Variants in SULT1B1 observed in about 807,000 individuals in gnomAD.
SULT1B1 encodes sulfotransferase family 1B member 1, also known as sulfotransferase 1B1.
A neutral mutation model predicts 34.6 loss-of-function variants in SULT1B1; 28 were observed. The ratio of observed to expected loss-of-function variants is 0.81; its 90% CI spans 0.60 to 1.11. The LOEUF is 1.11. SULT1B1 is among the 50% of genes least tolerant of loss of function. The probability of loss-of-function intolerance (pLI) is 0.00; values close to 1 mark genes in which losing one functional copy is unlikely to be tolerated. For missense variants in SULT1B1, 374 were observed against 352.2 expected, an observed-to-expected ratio of 1.06 and a Z score of -0.50; for synonymous variants, 147 against 110.2, an observed-to-expected ratio of 1.33 and a Z score of -2.09.
At chr4:69,728,594 A>C (rs1206834242) in intron 7 of SULT1B1, among the ~76,000 whole-genome samples, 2 of 151,846 alleles carry the variant, frequency 1.3e-5, no homozygotes, top group Non-Finnish European at 2.9e-5. Context: ...TCTATATGCA[A>C]ATTAACGAAT....
rs542132053 is a variant in SULT1B1, at chr4:69,730,626, T to C, written c.653A>G (p.Asp218Gly). The C allele has an allele frequency of 3.1e-6, 5 of 1,613,264 alleles. No individual in the cohort carries two copies. The African/African-American group carries it at 4.0e-5, about 13-fold the overall frequency. The change falls in exon 7 of 8, where the codon GAT (aspartate) becomes GGT (glycine). Residue 218 changes from aspartate to glycine, a missense_variant. By Grantham distance (94) the Asp-to-Gly change is moderately conservative. Coordinates refer to ENST00000310613, the MANE Select transcript of SULT1B1 (RefSeq NM_014465.4). ...IIRFLEKNLNDEILDRIIHHT... is the reference protein window; with the variant it reads ...IIRFLEKNLNGEILDRIIHHT... ...ATGGATGATCCTATCCAAGATCTCA[T>C]CATTCAGGTTCTTCTCTAGAAATCT...
chr4:69,754,111 A>G (rs1719093398), intron 3 of SULT1B1, among the ~76,000 whole-genome samples: 1 of 152,204 alleles, frequency 6.6e-6, no homozygotes, highest in Non-Finnish European at 1.5e-5. Context: ...TCGCTTCCAC[A>G]GAACCCTATT....
intron 4 of SULT1B1, among the ~76,000 whole-genome samples, chr4:69,744,788 A>G (rs1248702820): frequency 4.6e-5 from 7 of 151,544 alleles, no homozygotes; most frequent in Non-Finnish European, 2.9e-5. Flanking sequence ...GTTTGCTCTT[A>G]TTTTCCTGGT....
Position 69,730,505 on chromosome 4 carries a change from A to T in SULT1B1, c.774T>A (p.Arg258=). The change falls in exon 7 of 8, where the codon CGT becomes CGA. Residue 258 remains arginine, a synonymous_variant. Transcript: ENST00000310613. ...VMDHSKSPFM[R]KGTAGDWKNY... ...TAAACCCAGCAAAGTATTTACCTTT[A>T]CGCATAAAAGGGGATTTGCTATGAT... 6.3e-7 allele frequency: 1 copy of T among 1,599,862 alleles called. No homozygotes were observed. The highest frequency in any genetic ancestry group is 8.6e-7 in the Non-Finnish European group (1 of 1,168,640).
chr4:69,753,971 T>C (rs1396061756), intron 3 of SULT1B1, among the ~76,000 whole-genome samples: 1 of 152,178 alleles, frequency 6.6e-6, no homozygotes, highest in Non-Finnish European at 1.5e-5. Context: ...GTAGCTATTC[T>C]GGAATCTCTG....
chr4:69,738,904 A>T (rs540679576), intron 4 of SULT1B1, among the ~76,000 whole-genome samples: 1 of 152,312 alleles, frequency 6.6e-6, no homozygotes, highest in Admixed American at 6.5e-5. Context: ...GTTGAAACAA[A>T]AGGGGCTAGA....
rs1171504900 is a variant in SULT1B1, at chr4:69,749,810, G to T, written c.286C>A (p.Gln96Lys). ...LPGLRTSGIE[Q>K]LEKNPSPRIV... ...CGGGGTGATGGATTCTTCTCCAATT[G>T]TTCTATACCTGAGAAATTTAGTTAA... The change falls in exon 4 of 8, where the codon CAA (glutamine) becomes AAA (lysine). Residue 96 changes from glutamine to lysine, a missense_variant. Gln to Lys is a moderately conservative substitution (Grantham distance 53, BLOSUM62 1). Transcript: ENST00000310613. 13 of 1,611,984 alleles carry T rather than the reference G, an allele frequency of 8.1e-6. No individual in the cohort carries two copies. Among genetic ancestry groups the T allele is most frequent in the Admixed American group, 1.7e-5 (1 of 59,986 alleles).
intron 4 of SULT1B1, among the ~76,000 whole-genome samples, chr4:69,742,850 G>A (rs1272816191): frequency 1.3e-5 from 2 of 152,224 alleles, no homozygotes; most frequent in Non-Finnish European, 1.5e-5. Flanking sequence ...CGGTGCGGTG[G>A]GCAGCTCCAG....
chr4:69,747,731 A>C (rs1216091793), intron 4 of SULT1B1, among the ~76,000 whole-genome samples: 2 of 152,142 alleles, frequency 1.3e-5, no homozygotes, highest in Non-Finnish European at 2.9e-5. Context: ...CTGGGCATCA[A>C]GGAGTCTCCT....
intron 5 of SULT1B1, 48 bp downstream of exon 5, chr4:69,734,090 T>C (rs1718194265): frequency 7.2e-7 from 1 of 1,391,928 alleles, no homozygotes; most frequent in South Asian, 1.5e-5. Flanking sequence ...GTTAATAGTA[T>C]TATTAAAATA....
In SULT1B1 at chr4:69,725,021, G is replaced by T. The variant is rs1560517108; in HGVS notation, c.*2067C>A. The stretch of plus-strand genomic sequence containing the variant: ...GCAACAAAAGCCAAAATTGACAAAT[G>T]GGATCTAATTAAACTAAAGAGCTTC... On this transcript the variant is annotated 3_prime_UTR_variant, in exon 8 of 8. Coordinates refer to ENST00000310613, the MANE Select transcript of SULT1B1 (RefSeq NM_014465.4). 1 of 152,002 alleles carries T rather than the reference G, an allele frequency of 6.6e-6. No homozygotes were observed. The highest frequency in any genetic ancestry group is 6.6e-5 in the Admixed American group (1 of 15,256). The allele number at this position is 152,002 out of a possible 1,614,324, so 9.4% of individuals were successfully genotyped here. A position where few individuals can be genotyped will look rare whatever the true frequency, so the allele number is the denominator to read the frequency against.
intron 4 of SULT1B1, among the ~76,000 whole-genome samples, chr4:69,739,584 C>A (rs1475538463): frequency 6.6e-6 from 1 of 152,202 alleles, no homozygotes; most frequent in Admixed American, 6.5e-5. Flanking sequence ...TCTTCCTAGG[C>A]CTCTGGGCCT....
chr4:69,733,559 T>C, intron 5 of SULT1B1, 52 bp from the exon 6 acceptor site: 2 of 1,320,450 alleles, frequency 1.5e-6, no homozygotes, highest in South Asian at 2.7e-5. Context: ...ATTAAATATT[T>C]CTGTCTGAAT....
Position 69,754,781 on chromosome 4 carries a change from C to T in SULT1B1, c.166G>A (p.Glu56Lys). Residue 56 changes from glutamate to lysine, a missense_variant, in exon 3 of 8, where the codon GAA becomes AAA. Physicochemically the swap from Glu to Lys is moderately conservative, Grantham distance 56. Coordinates refer to ENST00000310613, the MANE Select transcript of SULT1B1 (RefSeq NM_014465.4). ...TCATTTAGAATCATGTCTATAATTT[C>T]ACTAACCCAAGTAGTACCTGTGACA... ...YPKSGTTWVS[E>K]IIDMILNDGD... is the part of the protein sequence containing the mutation. 6.2e-7 allele frequency: 1 copy of T among 1,612,514 alleles called. No homozygotes were observed. Among genetic ancestry groups the T allele is most frequent in the Non-Finnish European group, 8.5e-7 (1 of 1,179,142 alleles).
rs1055878196 is a variant in SULT1B1, at chr4:69,721,294, C to T, written c.*5794G>A. 6 of 152,032 alleles carry T rather than the reference C, an allele frequency of 3.9e-5. No homozygotes were observed. Among genetic ancestry groups the T allele is most frequent in the Admixed American group, 1.3e-4 (2 of 15,216 alleles). The allele number at this position is 152,032 out of a possible 1,614,324, so 9.4% of individuals were successfully genotyped here. ...ATATAAAACAGTTCTAATGATCATA[C>T]ATAAGAAGACATTTGTGAAGACAGC... On this transcript the variant is annotated 3_prime_UTR_variant, in exon 8 of 8. Coordinates refer to ENST00000310613, the MANE Select transcript of SULT1B1 (RefSeq NM_014465.4).
chr4:69,754,058 T>A (rs1234452221), intron 3 of SULT1B1, among the ~76,000 whole-genome samples: 1 of 152,200 alleles, frequency 6.6e-6, no homozygotes, highest in Admixed American at 6.6e-5. Flanking sequence ...TTTGTCTAAG[T>A]TTTTTTCCTT....
chr4:69,759,312 G>A lies in SULT1B1; in HGVS notation c.-45+1147C>T, dbSNP rs1302866875. On this transcript the variant is annotated intron_variant, in intron 1 of 7. Transcript: ENST00000310613. ...CATGTGATCATACTGAAAATTTACC[G>A]TAGGCCCAACCCAGAGTCAAAAATG... is the stretch of plus-strand genomic sequence containing the variant. 3.9e-5 allele frequency among the ~76,000 whole-genome samples: 6 copies of A among 152,178 alleles called. No individual in the cohort carries two copies. In the East Asian group the frequency reaches 5.8e-4, roughly 15 times the overall value.
At chr4:69,732,069 T>C (rs966627752) in intron 6 of SULT1B1, among the ~76,000 whole-genome samples, 2 of 152,244 alleles carry the variant, frequency 1.3e-5, no homozygotes, top group African/African-American at 4.8e-5. Flanking sequence ...TTATGAGGAA[T>C]TTATAACTTA....
Position 69,733,473 on chromosome 4 carries a change from G to T in SULT1B1, c.537C>A (p.Asn179Lys). 6.2e-7 allele frequency: 1 copy of T among 1,607,558 alleles called. No individual in the cohort carries two copies. The highest frequency in any genetic ancestry group is 1.1e-5 in the South Asian group (1 of 90,026). Residue 179 changes from asparagine to lysine, a missense_variant, in exon 6 of 8, where the codon AAC (asparagine) becomes AAA (lysine). Asn to Lys is a moderately conservative substitution (Grantham distance 94). Coordinates refer to ENST00000310613, the MANE Select transcript of SULT1B1 (RefSeq NM_014465.4). ...GGTGTTCTTCCTTTTTCTTCCACCA[G>T]TTTTTAACATGAGTAAACCAGGAAC... ...AYGSWFTHVK[N>K]WWKKKEEHPI...
Sources: allele counts gnomAD v4.1 joint callset (sites outside exome capture counted in the v4.1 genomes callset), GRCh38; gene constraint gnomAD v4.1.1; transcripts MANE v1.5; gene names NCBI Gene and HGNC (gene_info 2026-07-23, HGNC 2026-07-21).